Variants in OR51C1 observed in about 807,000 individuals in gnomAD.
OR51C1 encodes the protein olfactory receptor OR51C1.
the OR51C1 span, among the ~76,000 whole-genome samples, chr11:4,693,700 C>T: frequency 2.6e-5 from 4 of 152,106 alleles, no homozygotes; most frequent in Admixed American, 1.3e-4. Context: ...CCAACCTGGG[C>T]GACAGAGCGA....
chr11:4,696,345 A>T, the OR51C1 span, among the ~76,000 whole-genome samples: 1 of 152,098 alleles, frequency 6.6e-6, no homozygotes, highest in East Asian at 1.9e-4. Context: ...AATTAAAATT[A>T]CTACCCACCA....
At chr11:4,697,675 C>T in the OR51C1 span, 1 of 152,652 alleles carries the variant, frequency 6.6e-6, no homozygotes, top group Non-Finnish European at 1.5e-5. Flanking sequence ...GCAGTTCGGC[C>T]TGTTCCTTTC....
chr11:4,691,000 C>A, the OR51C1 span: 4 of 455,142 alleles, frequency 8.8e-6, no homozygotes, highest in Admixed American at 2.4e-5. Flanking sequence ...TCCTTCCTCT[C>A]TTCTGGGGAA....
chr11:4,692,528 G>A, the OR51C1 span, among the ~76,000 whole-genome samples: 7,326 of 152,206 alleles, frequency 0.048, 316 homozygotes, highest in East Asian at 0.2. Flanking sequence ...GTTTTGTTTC[G>A]GAGGGAAAAA....
chr11:4,691,276 T>C, the OR51C1 span: 3 of 457,080 alleles, frequency 6.6e-6, no homozygotes, highest in African/African-American at 6.0e-5. Context: ...ATTTGAGCTA[T>C]TCTGGAGTCA....
the OR51C1 span, among the ~76,000 whole-genome samples, chr11:4,693,765 CTTGT>C: frequency 6.6e-6 from 1 of 152,198 alleles, no homozygotes; most frequent in East Asian, 1.9e-4. Context: ...CAACAGTGCA[CTTGT>C]AACACTTCTC....
At chr11:4,692,120 G>T in the OR51C1 span, 1 of 447,456 alleles carries the variant, frequency 2.2e-6, no homozygotes, top group South Asian at 1.6e-5. Flanking sequence ...TGGCACCAGA[G>T]AAAAATACAC....
the OR51C1 span, chr11:4,690,983 G>A: frequency 2.2e-6 from 1 of 454,690 alleles, no homozygotes. Flanking sequence ...CACATGTACT[G>A]AAGGTTTCCT....
At chr11:4,690,987 G>A in the OR51C1 span, 1 of 454,790 alleles carries the variant, frequency 2.2e-6, no homozygotes, top group Admixed American at 2.4e-5. Flanking sequence ...TGTACTGAAG[G>A]TTTCCTTCCT....
the OR51C1 span, among the ~76,000 whole-genome samples, chr11:4,693,832 T>G: frequency 6.6e-6 from 1 of 152,204 alleles, no homozygotes; most frequent in African/African-American, 2.4e-5. Context: ...GGATCTTACA[T>G]AGTGCTATTT....
the OR51C1 span, chr11:4,691,317 G>C: frequency 1.1e-4 from 51 of 457,552 alleles, no homozygotes; most frequent in East Asian, 3.0e-3. Context: ...AAGGGGATTA[G>C]AGACGGCCAC....
the OR51C1 span, among the ~76,000 whole-genome samples, chr11:4,694,581 C>T: frequency 3.3e-4 from 50 of 150,184 alleles, no homozygotes; most frequent in East Asian, 5.9e-4. Context: ...TATATACACA[C>T]ACACACACAC....
chr11:4,696,263 G>T, the OR51C1 span, among the ~76,000 whole-genome samples: 1 of 151,940 alleles, frequency 6.6e-6, no homozygotes, highest in East Asian at 1.9e-4. Context: ...TCATTCTCTC[G>T]TCCCCTCCAA....
the OR51C1 span, chr11:4,690,971 G>A: frequency 4.4e-6 from 2 of 454,070 alleles, no homozygotes; most frequent in African/African-American, 4.0e-5. Flanking sequence ...CAATGTGGGA[G>A]ACACATGTAC....
the OR51C1 span, among the ~76,000 whole-genome samples, chr11:4,696,060 G>A: frequency 1.3e-5 from 2 of 152,154 alleles, no homozygotes; most frequent in Non-Finnish European, 2.9e-5. Context: ...CGTAAAGGTA[G>A]TAATGAGACA....
chr11:4,694,850 G>C, the OR51C1 span, among the ~76,000 whole-genome samples: 2 of 152,088 alleles, frequency 1.3e-5, no homozygotes, highest in East Asian at 1.9e-4. Context: ...TGTGTGTCAA[G>C]AAGAACTAGT....
At chr11:4,691,978 C>A in the OR51C1 span, among the ~76,000 whole-genome samples, 1 of 152,142 alleles carries the variant, frequency 6.6e-6, no homozygotes, top group Non-Finnish European at 1.5e-5. Flanking sequence ...GTGACCACTC[C>A]TCTGATCGTT....
At chr11:4,690,754 A>G in the OR51C1 span, 3 of 392,786 alleles carry the variant, frequency 7.6e-6, no homozygotes, top group Non-Finnish European at 1.5e-5. Context: ...AGAATTCTAC[A>G]ATTTTATGTT....
At chr11:4,695,825 A>C in the OR51C1 span, among the ~76,000 whole-genome samples, 1 of 151,874 alleles carries the variant, frequency 6.6e-6, no homozygotes, top group East Asian at 1.9e-4. Context: ...TCTGCCTTAT[A>C]AATTGTGGGA....
Sources: allele counts gnomAD v4.1 joint callset (sites outside exome capture counted in the v4.1 genomes callset), GRCh38; gene constraint gnomAD v4.1.1; transcripts MANE v1.5; gene names NCBI Gene and HGNC (gene_info 2026-07-23, HGNC 2026-07-21).